Variants in SIX4 observed in about 807,000 individuals in gnomAD.
SIX4 encodes the protein SIX homeobox 4, also known as homeobox protein SIX4.
Under a neutral mutation model 51.5 loss-of-function variants are expected in SIX4, and 23 were observed. The ratio of observed to expected loss-of-function variants is 0.45; its 90% CI spans 0.32 to 0.63. The LOEUF (loss-of-function observed/expected upper bound fraction) is 0.63. SIX4 is among the 30% of genes least tolerant of loss of function. The pLI is 0.04. For synonymous variants in SIX4, 413 were observed against 417.3 expected (o/e 0.99, Z 0.13); for missense variants, 867 against 984.0 (o/e 0.88, Z 1.59).
At position 60,723,234 on chromosome 14, in the gene SIX4, G is replaced by A. The variant is rs761915815; in HGVS notation, c.841C>T (p.Pro281Ser). 21 of 1,612,660 alleles carry A rather than the reference G, an allele frequency of 1.3e-5. No individual in the cohort carries two copies. The highest frequency in any genetic ancestry group is 1.8e-5 in the Non-Finnish European group (21 of 1,179,676). ...CACCTTTTGGACTGGGTCTCGGAGGGGTTCCTGTCGCGCTGCCGGCGGTTC... is the reference window on the plus strand; with the variant it reads ...CACCTTTTGGACTGGGTCTCGGAGGAGTTCCTGTCGCGCTGCCGGCGGTTC... ...FKNRRQRDRNPSETQSKSESD... is the reference protein window; with the variant it reads ...FKNRRQRDRNSSETQSKSESD... The change falls in exon 1 of 3, where the codon CCC becomes TCC. Residue 281 changes from proline to serine, a missense_variant. Physicochemically the swap from Pro to Ser is moderately conservative, Grantham distance 74 (BLOSUM62 -1). Transcript: ENST00000216513.
Position 60,722,794 on chromosome 14 carries a change from C to T in SIX4, c.863+418G>A, listed in dbSNP as rs927375084. Among the ~76,000 whole-genome samples, 1 of 151,990 alleles carries T rather than the reference C, an allele frequency of 6.6e-6. No individual in the cohort carries two copies. Among genetic ancestry groups the T allele is most frequent in the Non-Finnish European group, 1.5e-5 (1 of 67,968 alleles). On this transcript the variant is annotated intron_variant, in intron 1 of 2. Coordinates refer to ENST00000216513, the MANE Select transcript of SIX4 (RefSeq NM_017420.5). The surrounding 1 kb of genome is among the most constrained non-coding windows in gnomAD (Gnocchi z 5.9). Reference sequence around the variant, plus strand: ...GCGGAGGTGCAGACCCCGGCCGGCGCCGGCAGTCTCTGCGGGCCTCGGGCG... The same window carrying T: ...GCGGAGGTGCAGACCCCGGCCGGCGTCGGCAGTCTCTGCGGGCCTCGGGCG...
chr14:60,723,891 C>T lies in SIX4; in HGVS notation c.184G>A (p.Ala62Thr). 6.5e-7 allele frequency: 1 copy of T among 1,526,952 alleles called. No individual in the cohort carries two copies. The highest frequency in any genetic ancestry group is 8.7e-7 in the Non-Finnish European group (1 of 1,153,172). The allele number at this position is 1,526,952 out of a possible 1,614,324, so 94.6% of individuals were successfully genotyped here. Residue 62 changes from alanine to threonine, a missense_variant, in exon 1 of 3, where the codon GCC (alanine) becomes ACC (threonine). Coordinates refer to ENST00000216513, the MANE Select transcript of SIX4 (RefSeq NM_017420.5). ...CCTTCCTCTCCGCTCACCCTGGCGG[C>T]AGCGGTCGCGGCGTCCCCCGGCTCC... is the stretch of plus-strand genomic sequence containing the variant. ...PLEPGDAATA[A>T]ARVSGEEGAV...
chr14:60,721,977 G>C (rs1221565477), intron 1 of SIX4, among the ~76,000 whole-genome samples: 1 of 152,218 alleles, frequency 6.6e-6, no homozygotes, highest in East Asian at 1.9e-4. Context: ...GAACGCCGGA[G>C]CCCGAGCCGT....
rs1250320353 is a variant in SIX4, at chr14:60,716,275, C to CA, written c.1550-2073dup. Among the ~76,000 whole-genome samples the CA allele has an allele frequency of 3.3e-5, 5 of 150,922 alleles. No individual in the cohort carries two copies. The East Asian group carries it at 5.9e-4, about 18-fold the overall frequency. The stretch of plus-strand genomic sequence containing the variant: ...TTAAAAAAAAAATTTTTTTTTGAGA[C>CA]AGAGTCTCGCTCTGTCACCCAGGCT... On this transcript the variant is annotated intron_variant, in intron 2 of 2. Coordinates refer to ENST00000216513, the MANE Select transcript of SIX4 (RefSeq NM_017420.5).
At position 60,722,522 on chromosome 14, in the gene SIX4, A is replaced by T. The variant is rs531554144; in HGVS notation, c.863+690T>A. On this transcript the variant is annotated intron_variant, in intron 1 of 2. Coordinates refer to ENST00000216513, the MANE Select transcript of SIX4 (RefSeq NM_017420.5). This position sits in a 1 kb window ranked among gnomAD's most constrained non-coding sequence, Gnocchi z 5.9. ...GGAGTTCAGAATCAGGTTTCAAAAC[A>T]TGACAGAGCCGAGCTGCACCAGCAC... Among the ~76,000 whole-genome samples, 1 of 152,140 alleles carries T rather than the reference A, an allele frequency of 6.6e-6. No individual in the cohort carries two copies. The highest frequency in any genetic ancestry group is 2.4e-5 in the African/African-American group (1 of 41,436).
rs193026983 is a variant in SIX4 at position 60,711,080 on chromosome 14, A to G, written c.*2327T>C. 6.6e-6 allele frequency: 1 copy of G among 152,242 alleles called. No homozygotes were observed. The highest frequency in any genetic ancestry group is 6.6e-5 in the Admixed American group (1 of 15,222). The allele number at this position is 152,242 out of a possible 1,614,324, so 9.4% of individuals were successfully genotyped here. A position where few individuals can be genotyped will look rare whatever the true frequency, so the allele number is the denominator to read the frequency against. On this transcript the variant is annotated 3_prime_UTR_variant, in exon 3 of 3. Coordinates refer to ENST00000216513, the MANE Select transcript of SIX4 (RefSeq NM_017420.5). Reference sequence around the variant, plus strand: ...TCTCTTGTTGGATGGGTATTTGAAAATAACAAACTCTTGATATCTGCAGCA... The same window carrying G: ...TCTCTTGTTGGATGGGTATTTGAAAGTAACAAACTCTTGATATCTGCAGCA...
Position 60,720,621 on chromosome 14 carries a change from G to C in SIX4, c.864-176C>G, listed in dbSNP as rs1350076620. Among the ~76,000 whole-genome samples the C allele has an allele frequency of 6.6e-6, 1 of 152,208 alleles. No individual in the cohort carries two copies. Among genetic ancestry groups the C allele is most frequent in the African/African-American group, 2.4e-5 (1 of 41,450 alleles). On this transcript the variant is annotated intron_variant, in intron 1 of 2. Transcript: ENST00000216513. The surrounding 1 kb of genome is among the most constrained non-coding windows in gnomAD (Gnocchi z 5.5). ...GAGGCCTTTCAGCAGATTCCGACCAGCCAGAGAATCTGGGAAGATAAACTC... is the reference window on the plus strand; with the variant it reads ...GAGGCCTTTCAGCAGATTCCGACCACCCAGAGAATCTGGGAAGATAAACTC...
At position 60,724,058 on chromosome 14, in the gene SIX4, GGGGA is replaced by G; in HGVS notation, c.13_16del (p.Ser5ProfsTer36). ...CGCCGCACTTGCGATCTGCCCGGTG[GGGGA>G]GGAAGAGGACATTTTTTGTTGTTTA... On this transcript the variant is annotated frameshift_variant, in exon 1 of 3. Coordinates refer to ENST00000216513, the MANE Select transcript of SIX4 (RefSeq NM_017420.5). LOFTEE classifies it high-confidence loss of function. 1 of 1,543,898 alleles carries G rather than the reference GGGGA, an allele frequency of 6.5e-7. No individual in the cohort carries two copies. The highest frequency in any genetic ancestry group is 8.7e-7 in the Non-Finnish European group (1 of 1,143,538).
In SIX4 at chr14:60,713,809, T is replaced by C. The variant is rs1215588314; in HGVS notation, c.1944A>G (p.Ala648=). 3.1e-6 allele frequency: 5 copies of C among 1,614,152 alleles called. No individual in the cohort carries two copies. The Admixed American group carries it at 5.0e-5, about 16-fold the overall frequency. Residue 648 remains alanine (A), a synonymous_variant, in exon 3 of 3, where the codon GCA becomes GCG. Transcript: ENST00000216513. The part of the protein sequence containing the change: ...ADSQPMSAPV[A]SKSTVTSVSN... ...TGACAGATGTCACAGTAGATTTGCT[T>C]GCCACCGGTGCAGACATTGGTTGGC...
At position 60,712,394 on chromosome 14, in the gene SIX4, T is replaced by C. The variant is rs1895839548; in HGVS notation, c.*1013A>G. 6.6e-6 allele frequency: 1 copy of C among 152,566 alleles called. No individual in the cohort carries two copies. Among genetic ancestry groups the C allele is most frequent in the African/African-American group, 2.4e-5 (1 of 41,428 alleles). The allele number at this position is 152,566 out of a possible 1,614,324, so 9.5% of individuals were successfully genotyped here. ...TTCTGTTGACACTTCTGTACCTTAC[T>C]ACCAATAAAAAGGCCACGAGGTAAA... is the stretch of plus-strand genomic sequence containing the variant. On this transcript the variant is annotated 3_prime_UTR_variant, in exon 3 of 3. Transcript: ENST00000216513.
In SIX4 at chr14:60,714,110, A is replaced by G. The variant is rs767574850; in HGVS notation, c.1643T>C (p.Leu548Pro). The change falls in exon 3 of 3, where the codon CTT becomes CCT. Residue 548 changes from leucine (L) to proline (P), a missense_variant. By Grantham distance (98) the Leu-to-Pro change is moderately conservative (BLOSUM62 -3). Transcript: ENST00000216513. ...VQQGKVFLSS[L>P]APSAVVYTVP... ...CGTGTATACCACTGCACTGGGAGCA[A>G]GAGAGCTCAAGAAAACCTTTCCTTG... is the stretch of plus-strand genomic sequence containing the variant. The G allele has an allele frequency of 6.2e-7, 1 of 1,614,096 alleles. No individual in the cohort carries two copies. Among genetic ancestry groups the G allele is most frequent in the Non-Finnish European group, 8.5e-7 (1 of 1,180,038 alleles).
At position 60,713,480 on chromosome 14, in the gene SIX4, T is replaced by G. The variant is rs780317817; in HGVS notation, c.2273A>C (p.Asp758Ala). 1 of 1,614,164 alleles carries G rather than the reference T, an allele frequency of 6.2e-7. No homozygotes were observed. The highest frequency in any genetic ancestry group is 1.7e-5 in the Admixed American group (1 of 60,024). ...AAGCTCTTTTTTGTCTGTTTCCAGG[T>G]CTTCACAGACAGTATCAACCATGCC... The part of the protein sequence containing the change: ...LDGMVDTVCE[D>A]LETDKKELAK... The change falls in exon 3 of 3, where the codon GAC becomes GCC. Residue 758 changes from aspartate to alanine, a missense_variant. Coordinates refer to ENST00000216513, the MANE Select transcript of SIX4 (RefSeq NM_017420.5).
intron 2 of SIX4, among the ~76,000 whole-genome samples, chr14:60,718,280 T>C (rs928522720): frequency 1.3e-5 from 2 of 152,176 alleles, no homozygotes; most frequent in African/African-American, 2.4e-5. Context: ...AGACTGTCTG[T>C]TCAACTCACC....
chr14:60,719,634 A>G lies in SIX4; in HGVS notation c.1549+126T>C. 1 of 945,356 alleles carries G rather than the reference A, an allele frequency of 1.1e-6. No homozygotes were observed. Among genetic ancestry groups the G allele is most frequent in the Admixed American group, 2.7e-5 (1 of 36,846 alleles). 58.6% of individuals were successfully genotyped at this position (945,356 alleles called of 1,614,324 possible). A position where few individuals can be genotyped will look rare whatever the true frequency, so the allele number is the denominator to read the frequency against. ...AGGAGAATCACATCAAGGCTACTCTACAGCTTCGGCAGCTAATAAGGTACC... is the reference window on the plus strand; with the variant it reads ...AGGAGAATCACATCAAGGCTACTCTGCAGCTTCGGCAGCTAATAAGGTACC... On this transcript the variant is annotated intron_variant, in intron 2 of 2. Coordinates refer to ENST00000216513, the MANE Select transcript of SIX4 (RefSeq NM_017420.5). This position sits in a 1 kb window ranked among gnomAD's most constrained non-coding sequence, Gnocchi z 4.9.
chr14:60,715,246 A>G (rs1444414500), intron 2 of SIX4, among the ~76,000 whole-genome samples: 1 of 152,230 alleles, frequency 6.6e-6, no homozygotes, highest in East Asian at 1.9e-4. Flanking sequence ...GCCAGTTAGA[A>G]TTAGAAAACA....
At position 60,724,104 on chromosome 14, in the gene SIX4, A is replaced by T. The variant is rs745582796; in HGVS notation, c.-30T>A. ...TGTTGTTTATTTTCCTCCCTCCCTCACTCCCTCGCACTCTTTTCCTCTTTC... is the reference window on the plus strand; with the variant it reads ...TGTTGTTTATTTTCCTCCCTCCCTCTCTCCCTCGCACTCTTTTCCTCTTTC... On this transcript the variant is annotated 5_prime_UTR_variant, in exon 1 of 3. Transcript: ENST00000216513. The T allele has an allele frequency of 5.1e-6, 8 of 1,568,412 alleles. No homozygotes were observed. Among genetic ancestry groups the T allele is most frequent in the Middle Eastern group, 1.7e-4 (1 of 5,822 alleles).
intron 2 of SIX4, 135 bp from the exon 3 acceptor site, chr14:60,714,338 G>A (rs1024588088): frequency 5.4e-6 from 4 of 735,476 alleles, no homozygotes; most frequent in Non-Finnish European, 8.3e-6. Flanking sequence ...CCCAATTCTG[G>A]TTCAGAATTA....
rs1380479221 is a variant in SIX4, at chr14:60,722,110, G to A, written c.863+1102C>T. Among the ~76,000 whole-genome samples, 1 of 152,168 alleles carries A rather than the reference G, an allele frequency of 6.6e-6. No homozygotes were observed. The highest frequency in any genetic ancestry group is 1.5e-5 in the Non-Finnish European group (1 of 68,036). Reference sequence around the variant, plus strand: ...CCCGGCTCCCAGTTTGCTTCCCCGAGAAGAACCTTCGAGCTGCTTTTGGAT... The same window carrying A: ...CCCGGCTCCCAGTTTGCTTCCCCGAAAAGAACCTTCGAGCTGCTTTTGGAT... On this transcript the variant is annotated intron_variant, in intron 1 of 2. Transcript: ENST00000216513. This position sits in a 1 kb window ranked among gnomAD's most constrained non-coding sequence, Gnocchi z 5.9.
rs1177773174 is a variant in SIX4 at position 60,719,064 on chromosome 14, A to G, written c.1549+696T>C. 6.6e-6 allele frequency among the ~76,000 whole-genome samples: 1 copy of G among 152,236 alleles called. No homozygotes were observed. Among genetic ancestry groups the G allele is most frequent in the African/African-American group, 2.4e-5 (1 of 41,468 alleles). ...TGCTTAAAGTCAGTGAAGAACTAAT[A>G]TATCAGCCTCAGTTTTCCTGAATTT... On this transcript the variant is annotated intron_variant, in intron 2 of 2. Coordinates refer to ENST00000216513, the MANE Select transcript of SIX4 (RefSeq NM_017420.5). This position sits in a 1 kb window ranked among gnomAD's most constrained non-coding sequence, Gnocchi z 4.9.
Sources: gnomAD v4.1 joint callset for allele counts (sites outside exome capture counted in the v4.1 genomes callset) on GRCh38, gnomAD v4.1.1 for gene constraint, Gnocchi (gnomAD v3.1) non-coding constraint, MANE v1.5 for transcripts, NCBI Gene and HGNC (gene_info 2026-07-23, HGNC 2026-07-21) for gene names.